The following HEPH variants were observed in gnomAD, a reference collection of about 807,000 sequenced individuals.
The protein encoded by HEPH is hephaestin.
A neutral mutation model predicts 80.8 loss-of-function variants in HEPH; 69 were observed. The ratio of observed to expected loss-of-function variants is 0.85; its 90% CI spans 0.70 to 1.04. The LOEUF (loss-of-function observed/expected upper bound fraction) is 1.04. Ranked by LOEUF, HEPH falls within the 50% of genes least tolerant of loss-of-function variation. HEPH has a pLI of 0.00. For synonymous variants in HEPH, 431 were observed against 322.8 expected, an observed-to-expected ratio of 1.34 and a Z score of -3.60; for missense variants, 1,115 against 891.3, an observed-to-expected ratio of 1.25 and a Z score of -3.20.
chrX:66,204,493 T>G (rs1369427118), intron 13 of HEPH, among the ~76,000 whole-genome samples: 3 of 112,510 alleles, frequency 2.7e-5, no homozygotes, highest in East Asian at 2.8e-4. Context: ...TAATTCTTGA[T>G]TTTTGATGTT....
rs769221806 is a variant in HEPH, at chrX:66,250,225, G to A, written c.2564-4810G>A. On this transcript the variant is annotated intron_variant, in intron 15 of 20. Coordinates refer to ENST00000343002, the MANE Select transcript of HEPH (RefSeq NM_001367233.3). ...GATGACTCTTTCCAACACTCAACAT[G>A]TAGTATTTGTTCAATACAGCTTTGT... is the stretch of plus-strand genomic sequence containing the variant. 3.6e-5 allele frequency among the ~76,000 whole-genome samples: 4 copies of A among 111,398 alleles called. No homozygotes were observed. In the South Asian group the frequency reaches 1.1e-3, roughly 32 times the overall value.
rs2086634948 is a variant in HEPH at position 66,172,564 on chromosome X, A to G, written c.377A>G (p.His126Arg). Reference sequence around the variant, plus strand: ...TTTGCCACTCGTCCCTATACCATCCACCCTCATGGTGTCTTCTACGAGAAG... The same window carrying G: ...TTTGCCACTCGTCCCTATACCATCCGCCCTCATGGTGTCTTCTACGAGAAG... The part of the protein sequence containing the change: ...KNFATRPYTI[H>R]PHGVFYEKDS... The change falls in exon 3 of 21, where the codon CAC becomes CGC. Residue 126 changes from histidine (H) to arginine (R), a missense_variant. His to Arg is a conservative substitution (Grantham distance 29, BLOSUM62 0). Coordinates refer to ENST00000343002, the MANE Select transcript of HEPH (RefSeq NM_001367233.3). 1.7e-6 allele frequency: 2 copies of G among 1,191,431 alleles called. No homozygotes were observed. The highest frequency in any genetic ancestry group is 2.3e-6 in the Non-Finnish European group (2 of 884,440).
chrX:66,232,989 A>G lies in HEPH; in HGVS notation c.2564-22046A>G, dbSNP rs1179068068. ...AAGGACCCTGTATACAAGTATATCA[A>G]TTATAGTACCTTAAGAGCTAACCAA... is the stretch of plus-strand genomic sequence containing the variant. On this transcript the variant is annotated intron_variant, in intron 15 of 20. Coordinates refer to ENST00000343002, the MANE Select transcript of HEPH (RefSeq NM_001367233.3). 3.6e-5 allele frequency among the ~76,000 whole-genome samples: 4 copies of G among 111,087 alleles called. No homozygotes were observed. The East Asian group carries it at 1.1e-3, about 31-fold the overall frequency.
intron 6 of HEPH, 126 bp from the exon 7 acceptor site, chrX:66,192,004 T>C (rs1363816840): frequency 3.2e-6 from 2 of 625,331 alleles, no homozygotes; most frequent in Non-Finnish European, 4.7e-6. Flanking sequence ...CGGCCCATTT[T>C]GGAGCAGGAG....
At chrX:66,218,008 A>G (rs2089472000) in intron 15 of HEPH, among the ~76,000 whole-genome samples, 1 of 111,594 alleles carries the variant, frequency 9.0e-6, no homozygotes, top group Admixed American at 9.6e-5. Flanking sequence ...TTAAATATAT[A>G]TGCACCTAAC....
At chrX:66,167,561 G>T (rs778937597) in intron 1 of HEPH, among the ~76,000 whole-genome samples, 1 of 112,426 alleles carries the variant, frequency 8.9e-6, no homozygotes, top group African/African-American at 3.2e-5. Context: ...GTTGCATTCA[G>T]ACTTGGAATG....
At chrX:66,222,285 G>A (rs1272190107) in intron 15 of HEPH, among the ~76,000 whole-genome samples, 2 of 112,648 alleles carry the variant, frequency 1.8e-5, no homozygotes, top group African/African-American at 3.2e-5. Context: ...AGAGAGCTTG[G>A]CATGACTTAT....
intron 17 of HEPH, among the ~76,000 whole-genome samples, chrX:66,257,825 G>A: frequency 9.0e-6 from 1 of 111,553 alleles, no homozygotes; most frequent in Non-Finnish European, 1.9e-5. Context: ...GGGTGATAAA[G>A]TGGAAATTAT....
intron 15 of HEPH, among the ~76,000 whole-genome samples, chrX:66,244,163 A>T (rs1017417940): frequency 9.0e-6 from 1 of 111,547 alleles, no homozygotes; most frequent in Non-Finnish European, 1.9e-5. Context: ...AGGAATAGTC[A>T]TCTTGTATAG....
intron 15 of HEPH, among the ~76,000 whole-genome samples, chrX:66,222,681 G>A (rs2089703276): frequency 1.8e-5 from 2 of 111,438 alleles, no homozygotes; most frequent in Non-Finnish European, 3.8e-5. Context: ...GTTGACATTG[G>A]AGTCTTTATT....
intron 15 of HEPH, among the ~76,000 whole-genome samples, chrX:66,222,665 C>T (rs1016790305): frequency 9.0e-6 from 1 of 111,638 alleles, no homozygotes; most frequent in South Asian, 3.8e-4. Context: ...GGGAGCAAGA[C>T]TCCTGGTTGA....
At position 66,197,667 on chromosome X, in the gene HEPH, C is replaced by T. The variant is rs781588222; in HGVS notation, c.1502-16C>T. ...TCTAGTCAATCTAAGTAATGAGTCC[C>T]ATATTTTCACTACAGGCTCATCTTA... On this transcript the variant is annotated splice_polypyrimidine_tract_variant and intron_variant, in intron 9 of 20. Coordinates refer to ENST00000343002, the MANE Select transcript of HEPH (RefSeq NM_001367233.3). The T allele has an allele frequency of 7.6e-6, 9 of 1,180,631 alleles. No individual in the cohort carries two copies. Among genetic ancestry groups the T allele is most frequent in the Non-Finnish European group, 1.0e-5 (9 of 867,537 alleles).
intron 5 of HEPH, among the ~76,000 whole-genome samples, 175 bp downstream of exon 5, chrX:66,188,716 A>T (rs1309366158): frequency 8.9e-6 from 1 of 112,275 alleles, no homozygotes; most frequent in Non-Finnish European, 1.9e-5. Context: ...GGCTCCTAAG[A>T]TTATGCAGCA....
At chrX:66,233,602 C>A in intron 15 of HEPH, among the ~76,000 whole-genome samples, 1 of 110,312 alleles carries the variant, frequency 9.1e-6, no homozygotes, top group Non-Finnish European at 1.9e-5. Context: ...AACATTAAAA[C>A]CATTAACATA....
chrX:66,263,786 GAGTT>G, intron 20 of HEPH, 98 bp downstream of exon 20: 2 of 797,290 alleles, frequency 2.5e-6, no homozygotes, highest in Non-Finnish European at 3.7e-6. Flanking sequence ...ATGTGACTGA[GAGTT>G]AGAATACATC....
At chrX:66,264,479 T>A (rs1408614537) in intron 20 of HEPH, among the ~76,000 whole-genome samples, 2 of 109,418 alleles carry the variant, frequency 1.8e-5, no homozygotes, top group African/African-American at 6.6e-5. Context: ...CAGCCATTTC[T>A]GACCTTGAAT....
intron 1 of HEPH, among the ~76,000 whole-genome samples, chrX:66,166,593 C>A (rs1433781721): frequency 9.0e-6 from 1 of 111,710 alleles, no homozygotes; most frequent in African/African-American, 3.3e-5. Flanking sequence ...ATAACAATGA[C>A]AAATTCAAAT....
intron 4 of HEPH, among the ~76,000 whole-genome samples, chrX:66,174,806 G>T (rs180705276): frequency 8.9e-5 from 10 of 111,777 alleles, no homozygotes; most frequent in African/African-American, 2.9e-4. Context: ...TTGGCCATTT[G>T]TATATCTTCT....
At chrX:66,178,696 T>A (rs1272550886) in intron 4 of HEPH, among the ~76,000 whole-genome samples, 5 of 112,558 alleles carry the variant, frequency 4.4e-5, no homozygotes. Context: ...TGATGGCCAG[T>A]GATGATGAGC....
Sources: gnomAD v4.1 joint callset for allele counts (sites outside exome capture counted in the v4.1 genomes callset) on GRCh38, gnomAD v4.1.1 for gene constraint, MANE v1.5 for transcripts, NCBI Gene and HGNC (gene_info 2026-07-23, HGNC 2026-07-21) for gene names.